The following ZNF385A variants were observed in gnomAD, a reference collection of about 807,000 sequenced individuals.
The protein encoded by ZNF385A is hematopoietic zinc finger protein.
In ZNF385A, 14 loss-of-function variants were observed where a neutral mutation model predicts 32.1. The observed-to-expected ratio is 0.44, with a 90% CI of 0.29 to 0.68. The LOEUF (loss-of-function observed/expected upper bound fraction) is 0.68, where lower values mean the gene tolerates loss of function less well. ZNF385A is among the 30% of genes least tolerant of loss of function. The probability of loss-of-function intolerance (pLI) is 0.14; values close to 1 mark genes in which losing one functional copy is unlikely to be tolerated. For synonymous variants in ZNF385A, 197 were observed against 202.7 expected (o/e 0.97, Z 0.24); for missense variants, 406 against 478.4 (o/e 0.85, Z 1.41).
rs565168005 is a variant in ZNF385A at position 54,375,967 on chromosome 12, G to C, written c.88-13C>G. 2 of 1,609,556 alleles carry C rather than the reference G, an allele frequency of 1.2e-6. No homozygotes were observed. The highest frequency in any genetic ancestry group is 1.7e-6 in the Non-Finnish European group (2 of 1,176,070). ...GCACAGGGTCCATCTGTGGAGGCAG[G>C]CTGGGGTGAGCCGGGAACCCTAGCG... On this transcript the variant is annotated splice_polypyrimidine_tract_variant and intron_variant, in intron 1 of 6. Transcript: ENST00000394313.
intron 1 of ZNF385A, among the ~76,000 whole-genome samples, chr12:54,378,657 G>C (rs1317456068): frequency 1.3e-5 from 2 of 152,144 alleles, no homozygotes; most frequent in Non-Finnish European, 2.9e-5. Flanking sequence ...GGGAAGACCT[G>C]AGGAAGGACT....
chr12:54,385,011 C>A, upstream of ZNF385A: 1 of 564,038 alleles, frequency 1.8e-6, no homozygotes, highest in Non-Finnish European at 2.3e-6. Context: ...TCCTACTGAC[C>A]AGAGGGGGAT....
intron 2 of ZNF385A, among the ~76,000 whole-genome samples, chr12:54,375,299 C>G (rs1171650932): frequency 6.6e-6 from 1 of 152,110 alleles, no homozygotes; most frequent in Non-Finnish European, 1.5e-5. Flanking sequence ...TAGCTTCTCC[C>G]CAGGGGAAAG....
rs1954690867 is a variant in ZNF385A at position 54,373,851 on chromosome 12, G to A, written c.361+122C>T. ...TGCCTGGCTCCAGGACTCACCTTGG[G>A]TGGGGGTGGGGGTATAGGGACTGAG... On this transcript the variant is annotated intron_variant, in intron 3 of 6. Transcript: ENST00000394313. 7 of 1,095,120 alleles carry A rather than the reference G, an allele frequency of 6.4e-6. No individual in the cohort carries two copies. The South Asian group carries it at 1.6e-4, about 25-fold the overall frequency. 67.8% of individuals were successfully genotyped at this position (1,095,120 alleles called of 1,614,324 possible).
rs143044587 is a variant in ZNF385A, at chr12:54,389,990, G to C, written c.10+1245C>G. Among the ~76,000 whole-genome samples, 626 of 152,192 alleles carry C rather than the reference G, an allele frequency of 4.1e-3. 4 individuals carry two copies. The highest frequency in any genetic ancestry group is 0.013 in the African/African-American group (544 of 41,500). On this transcript the variant is annotated intron_variant, in intron 1 of 7. Coordinates refer to the ZNF385A transcript ENST00000338010. ...GAGGAGAGAAAAAGAGATGGAGGAA[G>C]GGCAGAAGGACAATAGGTAGTCAAC...
At position 54,372,817 on chromosome 12, in the gene ZNF385A, T is replaced by A. The variant is rs372797195; in HGVS notation, c.362-1102A>T. The A allele has an allele frequency of 1.7e-4, 28 of 165,408 alleles. No homozygotes were observed. In the East Asian group the frequency reaches 4.2e-3, roughly 25 times the overall value. The allele number at this position is 165,408 out of a possible 1,614,324, so 10.2% of individuals were successfully genotyped here. A position where few individuals can be genotyped will look rare whatever the true frequency, so the allele number is the denominator to read the frequency against. ...ATTTTGGGAGGCTGAGGTGGGCAGA[T>A]CACTTGAGGTCAGGAGTTTGAGACC... On this transcript the variant is annotated intron_variant, in intron 3 of 6. Transcript: ENST00000394313.
chr12:54,384,434 G>A lies in ZNF385A; in HGVS notation c.81C>T (p.Tyr27=). 1 of 1,587,738 alleles carries A rather than the reference G, an allele frequency of 6.3e-7. No individual in the cohort carries two copies. Among genetic ancestry groups the A allele is most frequent in the Non-Finnish European group, 8.6e-7 (1 of 1,167,146 alleles). The change falls in exon 1 of 7, where the codon TAC becomes TAT. Residue 27 remains tyrosine (Y), a synonymous_variant. Coordinates refer to ENST00000394313, the MANE Select transcript of ZNF385A (RefSeq NM_015481.3). ...PAPTLGLFSN[Y]STMDPVQKAV... is the part of the protein sequence containing the mutation. ...CAGGCAGGCTGCTACTTACGGTGCTGTAGTTGCTGAAGAGGCCAAGGGTAG... is the reference window on the plus strand; with the variant it reads ...CAGGCAGGCTGCTACTTACGGTGCTATAGTTGCTGAAGAGGCCAAGGGTAG...
At chr12:54,385,026 A>T, upstream of ZNF385A, 1 of 447,406 alleles carries the variant, frequency 2.2e-6, no homozygotes, top group Non-Finnish European at 3.0e-6. Flanking sequence ...GGGGATATTG[A>T]GACTTAGATT....
upstream of ZNF385A, chr12:54,385,164 A>T (rs1032569959): frequency 6.6e-6 from 1 of 152,446 alleles, no homozygotes; most frequent in Non-Finnish European, 1.5e-5. Context: ...TGGGAGGTGA[A>T]CTACCTAGGC....
At chr12:54,387,371 T>C (rs757075063), upstream of ZNF385A, among the ~76,000 whole-genome samples, 26 of 152,168 alleles carry the variant, frequency 1.7e-4, no homozygotes, top group Non-Finnish European at 2.5e-4. Flanking sequence ...AACTATCTAC[T>C]TCCCAGATTC....
intron 2 of ZNF385A, among the ~76,000 whole-genome samples, chr12:54,375,556 A>C (rs1234413901): frequency 6.6e-6 from 1 of 151,748 alleles, no homozygotes; most frequent in Non-Finnish European, 1.5e-5. Flanking sequence ...CCTATGTTCC[A>C]AGAAGCTCTG....
upstream of ZNF385A, among the ~76,000 whole-genome samples, chr12:54,387,495 C>A (rs1177940750): frequency 6.6e-6 from 1 of 152,212 alleles, no homozygotes; most frequent in Non-Finnish European, 1.5e-5. Flanking sequence ...CTCTCCCTCT[C>A]TTTTTCTGAG....
At chr12:54,380,371 G>C (rs1401727625) in intron 1 of ZNF385A, among the ~76,000 whole-genome samples, 1 of 152,198 alleles carries the variant, frequency 6.6e-6, no homozygotes, top group Non-Finnish European at 1.5e-5. Context: ...GAGGTTTAGA[G>C]AGGTTAAATA....
upstream of ZNF385A, among the ~76,000 whole-genome samples, chr12:54,388,958 C>G (rs1199649504): frequency 1.3e-5 from 2 of 152,222 alleles, no homozygotes; most frequent in African/African-American, 4.8e-5. Context: ...TGAACAACTA[C>G]TCAAAACACC....
Position 54,369,293 on chromosome 12 carries a change from T to G in ZNF385A, c.*963A>C, listed in dbSNP as rs1020637148. On this transcript the variant is annotated 3_prime_UTR_variant, in exon 7 of 7. Coordinates refer to ENST00000394313, the MANE Select transcript of ZNF385A (RefSeq NM_015481.3). ...CCCTCCCGGGTCGGCGGCTGAAGGG[T>G]TGACGATACGGAAACCACGGAGTCG... is the stretch of plus-strand genomic sequence containing the variant. 6.6e-6 allele frequency: 1 copy of G among 150,986 alleles called. No individual in the cohort carries two copies. 9.4% of individuals were successfully genotyped at this position (150,986 alleles called of 1,614,324 possible). A position where few individuals can be genotyped will look rare whatever the true frequency, so the allele number is the denominator to read the frequency against.
chr12:54,370,986 G>T lies in ZNF385A; in HGVS notation c.715C>A (p.Arg239=), dbSNP rs1185878737. Reference sequence around the variant, plus strand: ...TTGCAGATCTCACAGTGGAAAGTTCGGTCCTGGGCAGGAGCCTCTGGTTCC... The same window carrying T: ...TTGCAGATCTCACAGTGGAAAGTTCTGTCCTGGGCAGGAGCCTCTGGTTCC... ...PGEPEAPAQD[R]TFHCEICNVK... Residue 239 remains arginine, a synonymous_variant, in exon 5 of 7, where the codon CGA becomes AGA. Coordinates refer to ENST00000394313, the MANE Select transcript of ZNF385A (RefSeq NM_015481.3). The surrounding 1 kb of genome is among the most constrained non-coding windows in gnomAD (Gnocchi z 5.5). 1.2e-6 allele frequency: 2 copies of T among 1,614,162 alleles called. No individual in the cohort carries two copies. Among genetic ancestry groups the T allele is most frequent in the South Asian group, 2.2e-5 (2 of 91,072 alleles).
upstream of ZNF385A, chr12:54,385,140 G>A (rs1955406935): frequency 6.5e-6 from 1 of 154,570 alleles, no homozygotes; most frequent in Non-Finnish European, 1.4e-5. Context: ...TAGTGGGTTG[G>A]GTGGCTTTTG....
Position 54,371,727 on chromosome 12 carries a change from G to A in ZNF385A, c.362-12C>T. 1.2e-6 allele frequency: 2 copies of A among 1,611,044 alleles called. No homozygotes were observed. Among genetic ancestry groups the A allele is most frequent in the South Asian group, 1.1e-5 (1 of 90,846 alleles). On this transcript the variant is annotated splice_polypyrimidine_tract_variant and intron_variant, in intron 3 of 6. Coordinates refer to ENST00000394313, the MANE Select transcript of ZNF385A (RefSeq NM_015481.3). Reference sequence around the variant, plus strand: ...ATTCTCCATGGAAACTGTTGTTGGGGGAGAAACATGGGGATCACCCTAGAT... The same window carrying A: ...ATTCTCCATGGAAACTGTTGTTGGGAGAGAAACATGGGGATCACCCTAGAT...
chr12:54,384,677 C>A lies in ZNF385A; in HGVS notation c.-163G>T. ...GGCCCCCACACTCAGAAGTGTCACC[C>A]TCAGTGCACATAGTGTACACACTTC... On this transcript the variant is annotated 5_prime_UTR_variant, in exon 1 of 7. In the 5' UTR this introduces an upstream ATG that the reference lacks. Coordinates refer to ENST00000394313, the MANE Select transcript of ZNF385A (RefSeq NM_015481.3). 1 of 1,411,428 alleles carries A rather than the reference C, an allele frequency of 7.1e-7. No homozygotes were observed. The highest frequency in any genetic ancestry group is 9.2e-7 in the Non-Finnish European group (1 of 1,088,336). 87.4% of individuals were successfully genotyped at this position (1,411,428 alleles called of 1,614,324 possible).
Sources: gnomAD v4.1 joint callset for allele counts (sites outside exome capture counted in the v4.1 genomes callset) on GRCh38, gnomAD v4.1.1 for gene constraint, Gnocchi (gnomAD v3.1) non-coding constraint, MANE v1.5 for transcripts, NCBI Gene and HGNC (gene_info 2026-07-23, HGNC 2026-07-21) for gene names.